Variants in VDR observed in about 807,000 individuals in gnomAD.
VDR encodes the protein vitamin D receptor.
Under a neutral mutation model 39.7 loss-of-function variants are expected in VDR, and 19 were observed. That is an observed-to-expected ratio of 0.48 (90% CI 0.33 to 0.70). VDR has a LOEUF of 0.70. VDR is among the 30% of genes least tolerant of loss of function. The pLI is 0.02. For missense variants in VDR, 442 were observed against 570.5 expected (o/e 0.77, Z 2.29); for synonymous variants, 242 against 215.8 (o/e 1.12, Z -1.07).
intron 1 of VDR, among the ~76,000 whole-genome samples, chr12:47,890,552 A>G (rs555386688): frequency 4.6e-5 from 7 of 152,090 alleles, no homozygotes; most frequent in Admixed American, 3.9e-4. Context: ...TGACTGCAGA[A>G]GAGCAGAGGA....
At chr12:47,870,798 G>A (rs1289769343) in intron 3 of VDR, among the ~76,000 whole-genome samples, 3 of 152,206 alleles carry the variant, frequency 2.0e-5, no homozygotes, top group Admixed American at 2.0e-4. Context: ...ACTAGCGAGA[G>A]CTCCTGATCT....
Position 47,846,723 on chromosome 12 carries a change from T to C in VDR, c.841A>G (p.Met281Val), listed in dbSNP as rs1945288205. The stretch of plus-strand genomic sequence containing the variant: ...CCACAGGTCCAGGACATGTCGTCCA[T>C]GGTGAAGGACTCATTGGAGCGCAAC... The part of the protein sequence containing the change: ...IMLRSNESFT[M>V]DDMSWTCGNQ... The change falls in exon 8 of 10, where the codon ATG becomes GTG. Residue 281 changes from methionine to valine, a missense_variant. By Grantham distance (21) the Met-to-Val change is conservative. Around this residue, in one of 5 missense-constraint regions of VDR, gnomAD observed 173 missense variants for 252.0 expected, o/e 0.69. Transcript: ENST00000549336. 1.2e-6 allele frequency: 2 copies of C among 1,614,042 alleles called. No homozygotes were observed. Among genetic ancestry groups the C allele is most frequent in the South Asian group, 1.1e-5 (1 of 91,086 alleles).
chr12:47,857,155 C>A lies in VDR; in HGVS notation c.557G>T (p.Cys186Phe). Residue 186 changes from cysteine (C) to phenylalanine (F), a missense_variant, in exon 6 of 10, where the codon TGC (cysteine) becomes TTC (phenylalanine). Physicochemically the swap from Cys to Phe is radical, Grantham distance 205. Coordinates refer to ENST00000549336, the MANE Select transcript of VDR (RefSeq NM_000376.3). ...PSFSGDSSSS[C>F]SDHCITSSDM... ...TGAAGAGGTGATACAGTGATCTGAG[C>A]AGGAGGAGGAGGAGTCCCCAGAGAA... The A allele has an allele frequency of 6.2e-7, 1 of 1,614,108 alleles. No individual in the cohort carries two copies.
At chr12:47,885,209 G>C (rs78041085) in intron 1 of VDR, among the ~76,000 whole-genome samples, 1 of 152,292 alleles carries the variant, frequency 6.6e-6, no homozygotes, top group African/African-American at 2.4e-5. Flanking sequence ...AGCAGAGGGG[G>C]AGGAGCTCAA....
At chr12:47,900,936 G>T (rs1328758860) in intron 1 of VDR, among the ~76,000 whole-genome samples, 2 of 152,160 alleles carry the variant, frequency 1.3e-5, no homozygotes, top group Admixed American at 1.3e-4. Flanking sequence ...ACACCACTTA[G>T]TCTATTCCCT....
chr12:47,856,625 A>G (rs1311122438), intron 6 of VDR, among the ~76,000 whole-genome samples: 1 of 149,980 alleles, frequency 6.7e-6, no homozygotes, highest in Admixed American at 6.7e-5. Context: ...TTTTTTTTAA[A>G]AAAAAAAAAA....
chr12:47,860,999 T>C (rs115621709), intron 4 of VDR, among the ~76,000 whole-genome samples: 1 of 152,266 alleles, frequency 6.6e-6, no homozygotes, highest in African/African-American at 2.4e-5. Flanking sequence ...GGTGCTGTTG[T>C]TATTCCCATT....
chr12:47,877,234 A>AC (rs1946026196), intron 3 of VDR, among the ~76,000 whole-genome samples: 1 of 152,088 alleles, frequency 6.6e-6, no homozygotes, highest in Non-Finnish European at 1.5e-5. Flanking sequence ...AAAAAATCAC[A>AC]CAAACACACA....
At chr12:47,895,584 C>T (rs1340944673) in intron 1 of VDR, among the ~76,000 whole-genome samples, 1 of 152,104 alleles carries the variant, frequency 6.6e-6, no homozygotes, top group African/African-American at 2.4e-5. Flanking sequence ...TTTTTCCTAT[C>T]CCACTCTATA....
At position 47,859,141 on chromosome 12, in the gene VDR, G is replaced by A. The variant is rs536004303; in HGVS notation, c.278-1453C>T. Among the ~76,000 whole-genome samples, 58 of 152,330 alleles carry A rather than the reference G, an allele frequency of 3.8e-4. No homozygotes were observed. The South Asian group carries it at 4.8e-3, about 13-fold the overall frequency. On this transcript the variant is annotated intron_variant, in intron 4 of 9. Coordinates refer to ENST00000549336, the MANE Select transcript of VDR (RefSeq NM_000376.3). Reference sequence around the variant, plus strand: ...GGGAAGGCAATGGGGGTAAGCCCTCGCTTGGGGAGCCCAAGATTAGGTGTC... The same window carrying A: ...GGGAAGGCAATGGGGGTAAGCCCTCACTTGGGGAGCCCAAGATTAGGTGTC...
chr12:47,862,183 T>C (rs1435607905), intron 4 of VDR, among the ~76,000 whole-genome samples: 2 of 152,270 alleles, frequency 1.3e-5, no homozygotes, highest in Admixed American at 1.3e-4. Context: ...AACTCAGTTA[T>C]AAAATTTCTT....
chr12:47,883,620 GAC>G (rs149104045), intron 1 of VDR, among the ~76,000 whole-genome samples: 2 of 151,922 alleles, frequency 1.3e-5, no homozygotes, highest in South Asian at 2.1e-4. Context: ...CAAACAGACA[GAC>G]ACACACACAC....
At chr12:47,871,367 C>G (rs1363174778) in intron 3 of VDR, among the ~76,000 whole-genome samples, 1 of 82,680 alleles carries the variant, frequency 1.2e-5, no homozygotes, top group Non-Finnish European at 2.5e-5. Flanking sequence ...TCCTTTCTCT[C>G]TCTCTCTCTC....
chr12:47,873,059 T>C (rs1945915877), intron 3 of VDR, among the ~76,000 whole-genome samples: 1 of 152,246 alleles, frequency 6.6e-6, no homozygotes, highest in Non-Finnish European at 1.5e-5. Flanking sequence ...TTTGGCTCTG[T>C]GTCCCCACCC....
At chr12:47,875,027 A>T (rs1945971576) in intron 3 of VDR, among the ~76,000 whole-genome samples, 1 of 152,236 alleles carries the variant, frequency 6.6e-6, no homozygotes, top group Admixed American at 6.5e-5. Context: ...TTCTCTGAGG[A>T]TGTCCCTGTA....
chr12:47,897,830 A>C (rs1228503585), intron 1 of VDR, among the ~76,000 whole-genome samples: 1 of 152,168 alleles, frequency 6.6e-6, no homozygotes, highest in Non-Finnish European at 1.5e-5. Flanking sequence ...GAGACTACTA[A>C]ACTTCACCCC....
At chr12:47,891,192 A>G (rs149685120) in intron 1 of VDR, among the ~76,000 whole-genome samples, 2 of 152,280 alleles carry the variant, frequency 1.3e-5, no homozygotes, top group East Asian at 3.9e-4. Flanking sequence ...GCCCCTGGCC[A>G]CCTGACCACT....
At chr12:47,865,601 T>A (rs978755727) in intron 3 of VDR, among the ~76,000 whole-genome samples, 15 of 151,656 alleles carry the variant, frequency 9.9e-5, no homozygotes, top group Non-Finnish European at 2.1e-4. Flanking sequence ...TTTGTAAAAA[T>A]GGGGTCTCAC....
intron 1 of VDR, among the ~76,000 whole-genome samples, chr12:47,892,323 C>T (rs971090391): frequency 6.6e-6 from 1 of 152,226 alleles, no homozygotes; most frequent in African/African-American, 2.4e-5. Context: ...TGCAGCTTCT[C>T]AGGACCTGGG....
Sources: allele counts gnomAD v4.1 joint callset (sites outside exome capture counted in the v4.1 genomes callset), GRCh38; gene constraint gnomAD v4.1.1; regional missense constraint gnomAD v4.1.1; transcripts MANE v1.5; gene names NCBI Gene and HGNC (gene_info 2026-07-23, HGNC 2026-07-21).